FGGY: variants seen among roughly 807,000 people sequenced by gnomAD.
FGGY encodes FGGY carbohydrate kinase domain containing.
FGGY carries 72 observed loss-of-function variants against 71.3 expected under a neutral mutation model. The ratio of observed to expected loss-of-function variants is 1.01; its 90% CI spans 0.84 to 1.23. The LOEUF (loss-of-function observed/expected upper bound fraction) is 1.23, where lower values mean the gene tolerates loss of function less well. Ranked by LOEUF, FGGY falls within the 50% of genes most tolerant of loss-of-function variation. The pLI, the probability that FGGY is intolerant of heterozygous loss-of-function variation, is 0.00. For synonymous variants in FGGY, 251 were observed against 250.3 expected, an observed-to-expected ratio of 1.00 and a Z score of -0.02; for missense variants, 668 against 682.3, an observed-to-expected ratio of 0.98 and a Z score of 0.23.
rs1184531131 is a variant in FGGY, at chr1:59,667,326, A to G, written c.1340A>G (p.His447Arg). ...ATAGAAGCCATGGAGGCAGCAGGGC[A>G]CTCAATCAGTACTCTTTTCCTATGT... ...FIIEAMEAAG[H>R]SISTLFLCGG... The change falls in exon 13 of 16, where the codon CAC becomes CGC. Residue 447 changes from histidine (H) to arginine (R), a missense_variant. His to Arg is a conservative substitution (Grantham distance 29, BLOSUM62 0). This residue lies in a region of FGGY where 661 missense variants were observed against 661.6 expected (regional missense o/e 1.00). Coordinates refer to ENST00000303721, the MANE Select transcript of FGGY (RefSeq NM_018291.5). 6.2e-7 allele frequency: 1 copy of G among 1,614,140 alleles called. No individual in the cohort carries two copies. The highest frequency in any genetic ancestry group is 8.5e-7 in the Non-Finnish European group (1 of 1,180,004).
intron 1 of FGGY, among the ~76,000 whole-genome samples, chr1:59,298,894 T>C (rs2042355161): frequency 2.0e-5 from 3 of 152,242 alleles, no homozygotes. Context: ...TATTCATTTG[T>C]TCACTCATCT....
At chr1:59,650,107 A>T (rs1369238016) in intron 11 of FGGY, among the ~76,000 whole-genome samples, 2 of 148,274 alleles carry the variant, frequency 1.3e-5, no homozygotes, top group Non-Finnish European at 2.9e-5. Context: ...AGCCCACTTG[A>T]TCATGGTGGA....
At chr1:59,443,737 G>C (rs988712199) in intron 5 of FGGY, among the ~76,000 whole-genome samples, 1 of 152,214 alleles carries the variant, frequency 6.6e-6, no homozygotes, top group African/African-American at 2.4e-5. Context: ...AAAATGTTTA[G>C]AAATGTTTTC....
intron 13 of FGGY, among the ~76,000 whole-genome samples, chr1:59,667,673 A>G (rs1180096190): frequency 1.3e-5 from 2 of 152,214 alleles, no homozygotes; most frequent in Non-Finnish European, 2.9e-5. Flanking sequence ...TCTTAATTCA[A>G]GCATTTACAC....
chr1:59,333,305 G>T (rs1281586043), intron 2 of FGGY, among the ~76,000 whole-genome samples: 1 of 152,234 alleles, frequency 6.6e-6, no homozygotes, highest in African/African-American at 2.4e-5. Context: ...GCAAGTAGAA[G>T]TTAGGGCTGG....
At chr1:59,613,575 A>G (rs2096715304) in intron 9 of FGGY, among the ~76,000 whole-genome samples, 1 of 152,240 alleles carries the variant, frequency 6.6e-6, no homozygotes, top group Non-Finnish European at 1.5e-5. Flanking sequence ...CCCTAACATC[A>G]CAATTAAAAG....
At chr1:59,409,788 T>C (rs2063335649) in intron 5 of FGGY, among the ~76,000 whole-genome samples, 1 of 152,120 alleles carries the variant, frequency 6.6e-6, no homozygotes, top group African/African-American at 2.4e-5. Flanking sequence ...TTCCTTCTGG[T>C]AATATCTTAG....
At chr1:59,349,804 A>G (rs1295349100) in intron 4 of FGGY, among the ~76,000 whole-genome samples, 1 of 152,188 alleles carries the variant, frequency 6.6e-6, no homozygotes, top group South Asian at 2.1e-4. Context: ...CAGGAGGGCT[A>G]TAGTGCTTCT....
chr1:59,402,118 A>G (rs1219508907), intron 5 of FGGY, among the ~76,000 whole-genome samples: 2 of 152,196 alleles, frequency 1.3e-5, no homozygotes, highest in Non-Finnish European at 2.9e-5. Flanking sequence ...TTGGATATGT[A>G]GGGGCGAGTA....
intron 7 of FGGY, among the ~76,000 whole-genome samples, chr1:59,538,639 A>G (rs2153682465): frequency 6.6e-6 from 1 of 151,746 alleles, no homozygotes; most frequent in Middle Eastern, 3.4e-3. Context: ...TGTGGCACAT[A>G]TACACCATGG....
intron 5 of FGGY, among the ~76,000 whole-genome samples, chr1:59,396,502 A>G (rs925837294): frequency 1.3e-5 from 2 of 152,280 alleles, no homozygotes; most frequent in Middle Eastern, 3.4e-3. Flanking sequence ...TGGTGAGTGA[A>G]GAAGGAGCCC....
chr1:59,419,830 G>T (rs925233406), intron 5 of FGGY, among the ~76,000 whole-genome samples: 4 of 145,706 alleles, frequency 2.7e-5, no homozygotes, highest in Non-Finnish European at 6.1e-5. Flanking sequence ...TGTGTCAATG[G>T]ATTTTTTTTT....
intron 6 of FGGY, among the ~76,000 whole-genome samples, chr1:59,508,976 A>C (rs968575970): frequency 1.3e-5 from 2 of 151,982 alleles, no homozygotes; most frequent in Non-Finnish European, 2.9e-5. Flanking sequence ...ACCTTGGTGA[A>C]CTCAGCAGAG....
At chr1:59,592,200 G>A (rs1445238294) in intron 8 of FGGY, among the ~76,000 whole-genome samples, 2 of 152,150 alleles carry the variant, frequency 1.3e-5, no homozygotes, top group Non-Finnish European at 2.9e-5. Context: ...ACCATCACTG[G>A]CCATCAGAGA....
chr1:59,649,064 A>T (rs901337034), intron 11 of FGGY, among the ~76,000 whole-genome samples: 1 of 151,772 alleles, frequency 6.6e-6, no homozygotes. Flanking sequence ...AGTTTTAGGT[A>T]TGCGGCATTA....
chr1:59,447,231 C>T (rs1328963320), intron 5 of FGGY, among the ~76,000 whole-genome samples: 1 of 152,028 alleles, frequency 6.6e-6, no homozygotes, highest in Non-Finnish European at 1.5e-5. Flanking sequence ...ACTTACATTC[C>T]CTCATTTTAA....
At chr1:59,690,751 G>C (rs1016805563) in intron 14 of FGGY, among the ~76,000 whole-genome samples, 2 of 152,220 alleles carry the variant, frequency 1.3e-5, no homozygotes, top group African/African-American at 4.8e-5. Flanking sequence ...CCTGTGACTA[G>C]TTACACAGAA....
chr1:59,649,781 C>T (rs2097138051), intron 11 of FGGY, among the ~76,000 whole-genome samples: 1 of 142,586 alleles, frequency 7.0e-6, no homozygotes, highest in Non-Finnish European at 1.5e-5. Flanking sequence ...GAACTTCCAA[C>T]ACTGTGTTGA....
At chr1:59,507,478 C>T (rs981286699) in intron 6 of FGGY, among the ~76,000 whole-genome samples, 1 of 151,910 alleles carries the variant, frequency 6.6e-6, no homozygotes, top group Non-Finnish European at 1.5e-5. Flanking sequence ...AAAATTATTC[C>T]CCAAGCTTTT....
Sources: allele counts gnomAD v4.1 joint callset (sites outside exome capture counted in the v4.1 genomes callset), GRCh38; gene constraint gnomAD v4.1.1; regional missense constraint gnomAD v4.1.1; transcripts MANE v1.5; gene names NCBI Gene and HGNC (gene_info 2026-07-23, HGNC 2026-07-21).